Variants in TP63 observed in about 807,000 individuals in gnomAD.
TP63 encodes tumor protein 63.
Under a neutral mutation model 82.8 loss-of-function variants are expected in TP63, and 17 were observed. The ratio of observed to expected loss-of-function variants is 0.21; its 90% CI spans 0.14 to 0.31. The LOEUF is 0.31. Ranked by LOEUF, TP63 falls within the 10% of genes least tolerant of loss-of-function variation. The pLI, the probability that TP63 is intolerant of heterozygous loss-of-function variation, is 1.00. For synonymous variants in TP63, 330 were observed against 321.7 expected, an observed-to-expected ratio of 1.03 and a Z score of -0.28; for missense variants, 648 against 895.3, an observed-to-expected ratio of 0.72 and a Z score of 3.52.
At chr3:189,724,899 C>T (rs565092147) in intron 1 of TP63, among the ~76,000 whole-genome samples, 1 of 152,260 alleles carries the variant, frequency 6.6e-6, no homozygotes, top group African/African-American at 2.4e-5. Flanking sequence ...GAGAGACTAA[C>T]AATCAACATG....
intron 3 of TP63, among the ~76,000 whole-genome samples, chr3:189,798,669 G>T (rs76252453): frequency 3.8e-4 from 58 of 152,204 alleles, no homozygotes; most frequent in African/African-American, 1.4e-3. Context: ...ATTTGCAAAC[G>T]CTCTCTCCTT....
intron 3 of TP63, among the ~76,000 whole-genome samples, chr3:189,775,026 C>G (rs1723672006): frequency 6.6e-6 from 1 of 151,992 alleles, no homozygotes; most frequent in Non-Finnish European, 1.5e-5. Context: ...GACCAGCAGC[C>G]TGGCCAACAT....
intron 4 of TP63, among the ~76,000 whole-genome samples, chr3:189,810,488 TG>T (rs1190982820): frequency 1.3e-5 from 2 of 152,106 alleles, no homozygotes; most frequent in African/African-American, 4.8e-5. Flanking sequence ...TAGAAAACCA[TG>T]GGGATGAATC....
intron 4 of TP63, among the ~76,000 whole-genome samples, chr3:189,839,904 T>C (rs1713732211): frequency 6.6e-6 from 1 of 152,158 alleles, no homozygotes; most frequent in African/African-American, 2.4e-5. Flanking sequence ...GGTGCTGCAG[T>C]GAGGGGATCT....
intron 4 of TP63, among the ~76,000 whole-genome samples, chr3:189,810,013 A>T (rs1727354697): frequency 6.6e-6 from 1 of 152,180 alleles, no homozygotes; most frequent in African/African-American, 2.4e-5. Flanking sequence ...ATTGTCTAAA[A>T]ATTAATGTTA....
At chr3:189,877,763 A>G (rs1719398752) in intron 10 of TP63, among the ~76,000 whole-genome samples, 1 of 152,248 alleles carries the variant, frequency 6.6e-6, no homozygotes, top group South Asian at 2.1e-4. Context: ...TAATAAAGCT[A>G]AGACTAGAAT....
intron 1 of TP63, among the ~76,000 whole-genome samples, chr3:189,659,405 G>A (rs570523063): frequency 6.6e-6 from 1 of 152,138 alleles, no homozygotes; most frequent in South Asian, 2.1e-4. Context: ...TTTTATGGCT[G>A]TGTAGTATTC....
At chr3:189,885,234 G>C (rs1049202914) in intron 10 of TP63, among the ~76,000 whole-genome samples, 1 of 152,148 alleles carries the variant, frequency 6.6e-6, no homozygotes, top group Non-Finnish European at 1.5e-5. Context: ...CAGTAATTCA[G>C]TGTAGATGCT....
chr3:189,805,844 C>G (rs879577792), intron 3 of TP63, among the ~76,000 whole-genome samples: 2 of 152,146 alleles, frequency 1.3e-5, no homozygotes, highest in African/African-American at 2.4e-5. Context: ...CAAAGGGAGA[C>G]TGAGGAAATG....
At chr3:189,745,913 A>G (rs1364074030) in intron 3 of TP63, among the ~76,000 whole-genome samples, 3 of 151,988 alleles carry the variant, frequency 2.0e-5, no homozygotes, top group African/African-American at 7.2e-5. Context: ...CAAAGCATAC[A>G]TAACATATAA....
At chr3:189,809,962 G>A (rs1727349046) in intron 4 of TP63, among the ~76,000 whole-genome samples, 1 of 152,106 alleles carries the variant, frequency 6.6e-6, no homozygotes, top group Admixed American at 6.5e-5. Context: ...TCACTGGATT[G>A]TATCCTTTCT....
chr3:189,882,202 T>C (rs1243960425), intron 10 of TP63, among the ~76,000 whole-genome samples: 4 of 152,148 alleles, frequency 2.6e-5, no homozygotes, highest in Non-Finnish European at 5.9e-5. Context: ...TTTTTGATAT[T>C]TGCTTTTCTT....
intron 3 of TP63, among the ~76,000 whole-genome samples, chr3:189,740,804 C>T (rs989809583): frequency 6.6e-6 from 1 of 151,950 alleles, no homozygotes; most frequent in African/African-American, 2.4e-5. Context: ...CTGTTTTTAG[C>T]ATGTATTGTC....
intron 1 of TP63, among the ~76,000 whole-genome samples, chr3:189,650,178 G>A (rs1351575987): frequency 6.9e-6 from 1 of 145,508 alleles, no homozygotes; most frequent in Non-Finnish European, 1.5e-5. Flanking sequence ...TACCTTACCT[G>A]AGTGAATATA....
chr3:189,661,202 G>C (rs1240682594), intron 1 of TP63, among the ~76,000 whole-genome samples: 1 of 152,010 alleles, frequency 6.6e-6, no homozygotes, highest in African/African-American at 2.4e-5. Flanking sequence ...GATGTTGGCT[G>C]TAGGTTTGCC....
chr3:189,792,123 T>C (rs1342601186), intron 3 of TP63, among the ~76,000 whole-genome samples: 1 of 152,114 alleles, frequency 6.6e-6, no homozygotes, highest in Non-Finnish European at 1.5e-5. Flanking sequence ...GTTCCTTCTC[T>C]ATTCCTTTTC....
chr3:189,868,485 G>A (rs939552596), intron 7 of TP63, 95 bp from the exon 8 acceptor site: 10 of 1,553,714 alleles, frequency 6.4e-6, no homozygotes, highest in Admixed American at 1.9e-5. Context: ...GTACGTTGGC[G>A]ATGGCCCATA....
intron 10 of TP63, among the ~76,000 whole-genome samples, chr3:189,882,687 T>C (rs16864889): frequency 0.043 from 6,549 of 152,256 alleles, 469 homozygotes; most frequent in African/African-American, 0.15. Flanking sequence ...AGGAGGTAGA[T>C]AGTGTAACTT....
chr3:189,766,124 C>A (rs1722944951), intron 3 of TP63, among the ~76,000 whole-genome samples: 1 of 152,080 alleles, frequency 6.6e-6, no homozygotes, highest in East Asian at 1.9e-4. Flanking sequence ...TCACTTGAAC[C>A]CAGGAATTTG....
Sources: gnomAD v4.1 joint callset for allele counts (sites outside exome capture counted in the v4.1 genomes callset) on GRCh38, gnomAD v4.1.1 for gene constraint, MANE v1.5 for transcripts, NCBI Gene and HGNC (gene_info 2026-07-23, HGNC 2026-07-21) for gene names.